Variants in RGS6 observed in about 807,000 individuals in gnomAD.
RGS6 encodes the protein regulator of G protein signaling 6.
A neutral mutation model predicts 78.5 loss-of-function variants in RGS6; 30 were observed. The observed-to-expected ratio is 0.38, with a 90% CI of 0.29 to 0.52. The LOEUF (loss-of-function observed/expected upper bound fraction) is 0.52, where lower values mean the gene tolerates loss of function less well. Ranked by LOEUF, RGS6 falls within the 20% of genes least tolerant of loss-of-function variation. RGS6 has a pLI of 0.85. For synonymous variants in RGS6, 206 were observed against 206.0 expected (o/e 1.00, Z 0.00); for missense variants, 495 against 609.7 (o/e 0.81, Z 1.98).
At position 72,114,938 on chromosome 14, in the gene RGS6, A is replaced by G. The variant is rs550542392; in HGVS notation, c.84+150063A>G. On this transcript the variant is annotated intron_variant, in intron 2 of 17. Transcript: ENST00000553525. ...AATTATGATAAAGAAAAACAAGAAA[A>G]ACGGCACATCCAGCCTGTTTTGTGG... Among the ~76,000 whole-genome samples the G allele has an allele frequency of 1.6e-3, 248 of 152,340 alleles. 1 individual carries two copies. Among genetic ancestry groups the G allele is most frequent in the Non-Finnish European group, 2.3e-3 (159 of 68,030 alleles).
chr14:72,019,978 C>G (rs2088017361), intron 2 of RGS6, among the ~76,000 whole-genome samples: 3 of 152,192 alleles, frequency 2.0e-5, no homozygotes, highest in Admixed American at 2.0e-4. Context: ...GCAGTGACAG[C>G]CTCTCTGAGC....
Position 72,147,870 on chromosome 14 carries a change from G to A in RGS6, c.84+182995G>A, listed in dbSNP as rs557080315. Among the ~76,000 whole-genome samples, 16 of 152,280 alleles carry A rather than the reference G, an allele frequency of 1.1e-4. No homozygotes were observed. The South Asian group carries it at 1.7e-3, about 16-fold the overall frequency. On this transcript the variant is annotated intron_variant, in intron 2 of 17. Coordinates refer to ENST00000553525, the MANE Select transcript of RGS6 (RefSeq NM_001204424.2). ...GAGAAGTCTGGGTGCAGTGGCTCAT[G>A]CCTGTAATCCCAGCACTTTGGGAGG...
chr14:72,503,415 T>C (rs1038609274), intron 13 of RGS6, among the ~76,000 whole-genome samples: 1 of 152,202 alleles, frequency 6.6e-6, no homozygotes, highest in Non-Finnish European at 1.5e-5. Flanking sequence ...TCCAAAGTCT[T>C]ATCTGAATAT....
chr14:72,271,959 G>A (rs2060014888), intron 2 of RGS6, among the ~76,000 whole-genome samples: 1 of 147,304 alleles, frequency 6.8e-6, no homozygotes, highest in South Asian at 2.1e-4. Context: ...CCACTTTTAA[G>A]GACTCTGTGA....
intron 2 of RGS6, among the ~76,000 whole-genome samples, chr14:72,323,726 T>G (rs932969284): frequency 3.7e-5 from 5 of 133,388 alleles, no homozygotes; most frequent in African/African-American, 1.4e-4. Flanking sequence ...TGCTTGAACC[T>G]GGGAGGCGGA....
the RGS6 span, among the ~76,000 whole-genome samples, chr14:71,915,129 GT>G: frequency 6.6e-6 from 1 of 151,766 alleles, no homozygotes; most frequent in Non-Finnish European, 1.5e-5. Flanking sequence ...ATGGTGGCGT[GT>G]GCCTGTAGTC....
intron 6 of RGS6, among the ~76,000 whole-genome samples, chr14:72,462,343 G>C (rs2095802977): frequency 6.6e-6 from 1 of 152,194 alleles, no homozygotes; most frequent in African/African-American, 2.4e-5. Flanking sequence ...GGCCTTGGCA[G>C]TCAAGTAGAG....
the RGS6 span, among the ~76,000 whole-genome samples, chr14:72,573,523 G>A: frequency 1.2e-4 from 18 of 152,190 alleles, no homozygotes; most frequent in African/African-American, 4.3e-4. Flanking sequence ...ACAGGCAGAT[G>A]GGAACCACTG....
intron 2 of RGS6, among the ~76,000 whole-genome samples, chr14:72,277,756 C>A (rs562414800): frequency 6.6e-6 from 1 of 151,830 alleles, no homozygotes; most frequent in Non-Finnish European, 1.5e-5. Flanking sequence ...GGTGAAACCC[C>A]GTCTCTACCA....
chr14:72,161,441 C>A (rs889466906), intron 2 of RGS6, among the ~76,000 whole-genome samples: 1 of 152,086 alleles, frequency 6.6e-6, no homozygotes, highest in Non-Finnish European at 1.5e-5. Context: ...CTTTTGCTTG[C>A]GTTGAGGAAA....
At chr14:72,303,164 C>T (rs946107391) in intron 2 of RGS6, among the ~76,000 whole-genome samples, 1 of 152,052 alleles carries the variant, frequency 6.6e-6, no homozygotes, top group Non-Finnish European at 1.5e-5. Context: ...TGTTATTTGC[C>T]CTTGCTTTTC....
intron 13 of RGS6, among the ~76,000 whole-genome samples, chr14:72,506,898 C>T (rs2096807966): frequency 6.8e-6 from 1 of 147,614 alleles, no homozygotes; most frequent in Non-Finnish European, 1.5e-5. Context: ...CCTGTAATCC[C>T]AGCACTTTGG....
intron 3 of RGS6, among the ~76,000 whole-genome samples, chr14:72,352,485 A>G (rs564433978): frequency 9.2e-5 from 14 of 152,236 alleles, no homozygotes; most frequent in Non-Finnish European, 1.3e-4. Flanking sequence ...TGCCTGTGGG[A>G]TACACACAAG....
At chr14:72,582,224 G>A in the RGS6 span, among the ~76,000 whole-genome samples, 1 of 152,100 alleles carries the variant, frequency 6.6e-6, no homozygotes, top group African/African-American at 2.4e-5. Flanking sequence ...TTCAACATGA[G>A]CTTCAGTGGA....
chr14:72,504,641 C>T (rs899662701), intron 13 of RGS6, among the ~76,000 whole-genome samples: 26 of 152,044 alleles, frequency 1.7e-4, no homozygotes. Context: ...TATAGCTCTC[C>T]TCTTTACTTT....
At chr14:72,623,908 A>G in the RGS6 span, among the ~76,000 whole-genome samples, 2,065 of 152,260 alleles carry the variant, frequency 0.014, 90 homozygotes, top group East Asian at 0.11. Context: ...AAATGTATAA[A>G]TATATTTACA....
intron 2 of RGS6, among the ~76,000 whole-genome samples, chr14:71,984,314 A>C (rs954185774): frequency 1.8e-5 from 2 of 108,698 alleles, no homozygotes; most frequent in African/African-American, 3.1e-5. Context: ...AAAAAAAAAA[A>C]AAAAAAAACA....
At chr14:72,247,745 G>A (rs1380564568) in intron 2 of RGS6, among the ~76,000 whole-genome samples, 3 of 152,160 alleles carry the variant, frequency 2.0e-5, no homozygotes, top group East Asian at 1.9e-4. Flanking sequence ...GTTAGTTATC[G>A]AGAGAGTGGG....
the RGS6 span, among the ~76,000 whole-genome samples, chr14:71,900,777 T>G: frequency 6.6e-6 from 1 of 152,112 alleles, no homozygotes; most frequent in Admixed American, 6.5e-5. Context: ...AGAAAAGAGG[T>G]TTAGTTTGTT....
Sources: gnomAD v4.1 joint callset for allele counts (sites outside exome capture counted in the v4.1 genomes callset) on GRCh38, gnomAD v4.1.1 for gene constraint, MANE v1.5 for transcripts, NCBI Gene and HGNC (gene_info 2026-07-23, HGNC 2026-07-21) for gene names.